AP3S1: variants seen among roughly 807,000 people sequenced by gnomAD.
AP3S1 encodes adaptor related protein complex 3 subunit sigma 1.
Under a neutral mutation model 21.3 loss-of-function variants are expected in AP3S1, and 12 were observed. The observed-to-expected ratio is 0.56, with a 90% CI of 0.36 to 0.91. The LOEUF (loss-of-function observed/expected upper bound fraction) is 0.91. AP3S1 is among the 40% of genes least tolerant of loss of function. The probability of loss-of-function intolerance (pLI) is 0.01; values close to 1 mark genes in which losing one functional copy is unlikely to be tolerated. For synonymous variants in AP3S1, 48 were observed against 78.4 expected, an observed-to-expected ratio of 0.61 and a Z score of 2.05; for missense variants, 116 against 225.0, an observed-to-expected ratio of 0.52 and a Z score of 3.10.
In AP3S1 at chr5:115,895,172, T is replaced by C; in HGVS notation, c.345+14T>C. On this transcript the variant is annotated intron_variant, in intron 4 of 5. Coordinates refer to ENST00000316788, the MANE Select transcript of AP3S1 (RefSeq NM_001284.4). Reference sequence around the variant, plus strand: ...CATGTAGACAAGGTACTATTTGTATTGTCACATCTAAGCTTTTTAAGAAAA... The same window carrying C: ...CATGTAGACAAGGTACTATTTGTATCGTCACATCTAAGCTTTTTAAGAAAA... The C allele has an allele frequency of 6.4e-7, 1 of 1,566,600 alleles. No individual in the cohort carries two copies. Among genetic ancestry groups the C allele is most frequent in the South Asian group, 1.2e-5 (1 of 82,410 alleles).
rs180987906 is a variant in AP3S1 at position 115,906,008 on chromosome 5, A to T, written c.453+3016A>T. Among the ~76,000 whole-genome samples the T allele has an allele frequency of 1.3e-3, 192 of 152,246 alleles. 2 individuals carry two copies. The highest frequency in any genetic ancestry group is 4.3e-3 in the African/African-American group (179 of 41,542). ...CCGTCTCTACTAAAAATACAAAAAA[A>T]TTATCCAGGCATGGTGGCACTTGCC... On this transcript the variant is annotated intron_variant, in intron 5 of 5. Coordinates refer to ENST00000316788, the MANE Select transcript of AP3S1 (RefSeq NM_001284.4).
chr5:115,877,422 A>G (rs1748826971), intron 3 of AP3S1, among the ~76,000 whole-genome samples: 1 of 151,270 alleles, frequency 6.6e-6, no homozygotes, highest in African/African-American at 2.4e-5. Context: ...TCATTGTGCA[A>G]CTCCCACTTA....
At chr5:115,872,443 G>T (rs1447471098) in intron 3 of AP3S1, among the ~76,000 whole-genome samples, 1 of 152,100 alleles carries the variant, frequency 6.6e-6, no homozygotes, top group Non-Finnish European at 1.5e-5. Context: ...GGTAATCATG[G>T]CACATATTCC....
chr5:115,887,053 A>G (rs918291687), intron 3 of AP3S1, among the ~76,000 whole-genome samples: 9 of 152,166 alleles, frequency 5.9e-5, no homozygotes, highest in Admixed American at 1.3e-4. Flanking sequence ...CCATACTTTA[A>G]AGATTCTTAA....
intron 1 of AP3S1, among the ~76,000 whole-genome samples, chr5:115,861,851 T>C: frequency 7.1e-6 from 1 of 140,172 alleles, no homozygotes; most frequent in African/African-American, 2.7e-5. Flanking sequence ...CAGGCCAAAA[T>C]TTTCTTTTCT....
At chr5:115,844,045 A>C (rs1761872255) in intron 1 of AP3S1, among the ~76,000 whole-genome samples, 1 of 152,126 alleles carries the variant, frequency 6.6e-6, no homozygotes, top group Non-Finnish European at 1.5e-5. Flanking sequence ...GAGTATGAGA[A>C]GTTGTTTCTG....
At chr5:115,853,552 A>C (rs1188936435) in intron 1 of AP3S1, among the ~76,000 whole-genome samples, 1 of 152,198 alleles carries the variant, frequency 6.6e-6, no homozygotes, top group Admixed American at 6.5e-5. Flanking sequence ...CCAAGGTCAA[A>C]ATCTTGTAAC....
intron 1 of AP3S1, among the ~76,000 whole-genome samples, chr5:115,846,273 T>C (rs1762057533): frequency 6.6e-6 from 1 of 152,234 alleles, no homozygotes; most frequent in South Asian, 2.1e-4. Flanking sequence ...CTTCCCAAAG[T>C]GCTGGGATGA....
At chr5:115,844,772 GCCT>G (rs1184932405) in intron 1 of AP3S1, among the ~76,000 whole-genome samples, 11 of 152,148 alleles carry the variant, frequency 7.2e-5, no homozygotes, top group Admixed American at 7.2e-4. Flanking sequence ...CTTGCTCAAA[GCCT>G]CCTCCTGGTT....
At chr5:115,898,633 C>T (rs1750961091) in intron 4 of AP3S1, 1 of 152,158 alleles carries the variant, frequency 6.6e-6, no homozygotes. Context: ...CTTAGGTAGT[C>T]TGAACTTTCC....
intron 4 of AP3S1, among the ~76,000 whole-genome samples, chr5:115,897,887 G>T (rs1750892018): frequency 6.6e-6 from 1 of 152,088 alleles, no homozygotes; most frequent in African/African-American, 2.4e-5. Flanking sequence ...TTAAAGGCAA[G>T]ACATAGGGAG....
chr5:115,843,852 A>G (rs1451868372), intron 1 of AP3S1, among the ~76,000 whole-genome samples: 2 of 152,218 alleles, frequency 1.3e-5, no homozygotes, highest in African/African-American at 2.4e-5. Flanking sequence ...AAGTGGGAAC[A>G]GAAGTATTGT....
chr5:115,883,994 G>A (rs777245670), intron 3 of AP3S1, among the ~76,000 whole-genome samples: 1 of 152,054 alleles, frequency 6.6e-6, no homozygotes, highest in Non-Finnish European at 1.5e-5. Context: ...CTTAAATGGA[G>A]GGACTGAAAC....
intron 3 of AP3S1, among the ~76,000 whole-genome samples, chr5:115,880,288 G>A (rs1749157930): frequency 6.6e-6 from 1 of 152,158 alleles, no homozygotes; most frequent in South Asian, 2.1e-4. Context: ...TAATTGTGAT[G>A]TTAGGGTGTC....
At chr5:115,898,399 G>T (rs573709202) in intron 4 of AP3S1, among the ~76,000 whole-genome samples, 2 of 152,250 alleles carry the variant, frequency 1.3e-5, no homozygotes, top group East Asian at 3.9e-4. Flanking sequence ...CAATCACATA[G>T]GCTAGTGTAG....
At chr5:115,887,309 G>C (rs1302110216) in intron 3 of AP3S1, among the ~76,000 whole-genome samples, 1 of 151,556 alleles carries the variant, frequency 6.6e-6, no homozygotes, top group Non-Finnish European at 1.5e-5. Flanking sequence ...TTAAATTTAT[G>C]CCTCCTATTT....
chr5:115,865,105 C>T (rs1413578975), intron 1 of AP3S1, among the ~76,000 whole-genome samples: 2 of 151,980 alleles, frequency 1.3e-5, no homozygotes, highest in African/African-American at 4.8e-5. Context: ...CCTCCCCATC[C>T]ACTACCTCCA....
intron 3 of AP3S1, among the ~76,000 whole-genome samples, chr5:115,893,562 C>T (rs961978190): frequency 2.0e-5 from 3 of 152,154 alleles, no homozygotes; most frequent in East Asian, 1.9e-4. Flanking sequence ...CCTAACCCTA[C>T]GTTGTTCAAG....
At chr5:115,891,788 A>C (rs1580716529) in intron 3 of AP3S1, among the ~76,000 whole-genome samples, 1 of 152,252 alleles carries the variant, frequency 6.6e-6, no homozygotes, top group East Asian at 1.9e-4. Flanking sequence ...GACGCTCAAC[A>C]CCAGCCTGTG....
Sources: allele counts gnomAD v4.1 joint callset (sites outside exome capture counted in the v4.1 genomes callset), GRCh38; gene constraint gnomAD v4.1.1; transcripts MANE v1.5; gene names NCBI Gene and HGNC (gene_info 2026-07-23, HGNC 2026-07-21).